The following SLC34A3 variants were observed in gnomAD, a reference collection of about 807,000 sequenced individuals.
SLC34A3 encodes the protein solute carrier family 34 member 3, also known as sodium-dependent phosphate transport protein 2C.
In SLC34A3, 60 loss-of-function variants were observed where a neutral mutation model predicts 43.9. That is an observed-to-expected ratio of 1.37 (90% CI 1.11 to 1.70). The LOEUF is 1.70. Ranked by LOEUF, SLC34A3 falls within the 40% of genes most tolerant of loss-of-function variation. SLC34A3 has a pLI of 0.00. For missense variants in SLC34A3, 969 were observed against 823.8 expected (o/e 1.18, Z -2.16); for synonymous variants, 451 against 386.2 (o/e 1.17, Z -1.97).
chr9:137,235,878 G>A (rs1588852183), intron 12 of SLC34A3, 74 bp from the exon 13 acceptor site: 4 of 1,326,124 alleles, frequency 3.0e-6, no homozygotes, highest in Non-Finnish European at 4.3e-6. Context: ...TAGGGTGGAG[G>A]AGGGCAGGGG....
Position 137,234,186 on chromosome 9 carries a change from C to G in SLC34A3, c.1003C>G (p.Leu335Val). 3 of 1,605,938 alleles carry G rather than the reference C, an allele frequency of 1.9e-6. No individual in the cohort carries two copies. The highest frequency in any genetic ancestry group is 2.5e-6 in the Non-Finnish European group (3 of 1,178,204). ...CILLAGSLLV[L>V]CGCLVLIVKL... The stretch of plus-strand genomic sequence containing the variant: ...CCTGCTGGCCGGCTCCCTGCTGGTG[C>G]TCTGCGGCTGCCTGGTCCTCATAGT... The change falls in exon 10 of 13, where the codon CTC (leucine) becomes GTC (valine). Residue 335 changes from leucine (L) to valine (V), a missense_variant. Transcript: ENST00000673835. This position sits in a 1 kb window ranked among gnomAD's most constrained non-coding sequence, Gnocchi z 6.9.
intron 12 of SLC34A3, among the ~76,000 whole-genome samples, chr9:137,235,403 G>T (rs28368709): frequency 2.6e-5 from 4 of 152,176 alleles, no homozygotes; most frequent in African/African-American, 7.2e-5. Context: ...TGGAACCCAC[G>T]CTCGTTCTTC....
chr9:137,234,543 A>G lies in SLC34A3; in HGVS notation c.1210+11A>G. 6.2e-7 allele frequency: 1 copy of G among 1,608,664 alleles called. No individual in the cohort carries two copies. Among genetic ancestry groups the G allele is most frequent in the Non-Finnish European group, 8.5e-7 (1 of 1,178,092 alleles). ...TCGTGCCCCTCATGGGTGAGCAGGC[A>G]GGACAGAGGCCTCGGGAACGGGGGC... On this transcript the variant is annotated intron_variant, in intron 11 of 12. Coordinates refer to ENST00000673835, the MANE Select transcript of SLC34A3 (RefSeq NM_001177316.2). The surrounding 1 kb of genome is among the most constrained non-coding windows in gnomAD (Gnocchi z 6.9).
chr9:137,233,102 G>C lies in SLC34A3; in HGVS notation c.547G>C (p.Asp183His). ...CTCAATGGCGCAGTCAGGGGACCGG[G>C]ATGAATTTCAGAGGTGAGTTGTGGG... ...LVSMAQSGDR[D>H]EFQRAFSGSA... Residue 183 changes from aspartate to histidine, a missense_variant, in exon 6 of 13, where the codon GAT (aspartate) becomes CAT (histidine). Physicochemically the swap from Asp to His is moderately conservative, Grantham distance 81. Coordinates refer to ENST00000673835, the MANE Select transcript of SLC34A3 (RefSeq NM_001177316.2). 4.0e-6 allele frequency: 6 copies of C among 1,489,954 alleles called. No individual in the cohort carries two copies. The highest frequency in any genetic ancestry group is 5.4e-6 in the Non-Finnish European group (6 of 1,104,512). 92.3% of individuals were successfully genotyped at this position (1,489,954 alleles called of 1,614,324 possible).
rs766680009 is a variant in SLC34A3, at chr9:137,234,456, C to T, written c.1134C>T (p.Ala378=). The change falls in exon 11 of 13, where the codon GCC becomes GCT. Residue 378 remains alanine, a synonymous_variant. Coordinates refer to ENST00000673835, the MANE Select transcript of SLC34A3 (RefSeq NM_001177316.2). This position sits in a 1 kb window ranked among gnomAD's most constrained non-coding sequence, Gnocchi z 6.9. ...FPLGWLGGYL[A]VLAGAGLTFA... ...TGGGCTGGCTCGGCGGCTACCTGGC[C>T]GTCCTCGCGGGCGCCGGCCTGACCT... 17 of 1,599,634 alleles carry T rather than the reference C, an allele frequency of 1.1e-5. No homozygotes were observed. The highest frequency in any genetic ancestry group is 1.4e-5 in the Non-Finnish European group (17 of 1,179,278).
At position 137,233,498 on chromosome 9, in the gene SLC34A3, G is replaced by C. The variant is rs1206924123; in HGVS notation, c.756+94G>C. The stretch of plus-strand genomic sequence containing the variant: ...TGCCCTGATGGAGGGTCAGCGGAGG[G>C]TCTGGGCCCTGTCCTGGGACAGGGG... On this transcript the variant is annotated intron_variant, in intron 7 of 12. Transcript: ENST00000673835. 1.1e-5 allele frequency: 17 copies of C among 1,580,092 alleles called. No homozygotes were observed. In the East Asian group the frequency reaches 3.4e-4, roughly 31 times the overall value.
In SLC34A3 at chr9:137,232,173, G is replaced by T; in HGVS notation, c.175+12G>T. ...CCAGCCCTGGAAAGGTGGGTCTGGA[G>T]GTTCCGGGGGTGGCAGGCTGGCAGG... is the stretch of plus-strand genomic sequence containing the variant. On this transcript the variant is annotated intron_variant, in intron 3 of 12. Transcript: ENST00000673835. The T allele has an allele frequency of 1.9e-6, 3 of 1,611,670 alleles. No homozygotes were observed. Among genetic ancestry groups the T allele is most frequent in the Middle Eastern group, 1.7e-4 (1 of 6,054 alleles).
In SLC34A3 at chr9:137,236,002, C is replaced by T. The variant is rs777986863; in HGVS notation, c.1386C>T (p.Tyr462=). ...FFNLAGILLW[Y]LVPALRLPIP... is the part of the protein sequence containing the mutation. ...ACCTGGCCGGCATCCTGCTGTGGTA[C>T]CTGGTGCCTGCACTGCGGCTGCCCA... Residue 462 remains tyrosine (Y), a synonymous_variant, in exon 13 of 13, where the codon TAC becomes TAT. Coordinates refer to ENST00000673835, the MANE Select transcript of SLC34A3 (RefSeq NM_001177316.2). 3 of 1,612,624 alleles carry T rather than the reference C, an allele frequency of 1.9e-6. No individual in the cohort carries two copies. The highest frequency in any genetic ancestry group is 2.5e-6 in the Non-Finnish European group (3 of 1,179,886).
rs4076685 is a variant in SLC34A3 at position 137,233,413 on chromosome 9, G to C, written c.756+9G>C. 3.1e-6 allele frequency: 5 copies of C among 1,597,492 alleles called. No homozygotes were observed. Among genetic ancestry groups the C allele is most frequent in the South Asian group, 1.1e-5 (1 of 89,776 alleles). On this transcript the variant is annotated intron_variant, in intron 7 of 12. Transcript: ENST00000673835. The stretch of plus-strand genomic sequence containing the variant: ...CACACCTCATCGTGCAGGTGAGGAC[G>C]GCCACCGCCCCCGCCCAGAGAGCCT...
chr9:137,234,316 C>T lies in SLC34A3; in HGVS notation c.1093+40C>T. On this transcript the variant is annotated intron_variant, in intron 10 of 12. Coordinates refer to ENST00000673835, the MANE Select transcript of SLC34A3 (RefSeq NM_001177316.2). This position sits in a 1 kb window ranked among gnomAD's most constrained non-coding sequence, Gnocchi z 6.9. ...GGAGGTGCGGTGGCCAGGGCTGACC[C>T]AGCATCCCCCATAGACTTCCCCTTC... 6.2e-7 allele frequency: 1 copy of T among 1,605,572 alleles called. No homozygotes were observed.
chr9:137,236,511 C>A lies in SLC34A3; in HGVS notation c.*95C>A. On this transcript the variant is annotated 3_prime_UTR_variant, in exon 13 of 13. Transcript: ENST00000673835. ...GTCCCCGCGGCAGCTGACCTCCGGTCACCTGCTTCCCCTTCTGTGCAAATA... is the reference window on the plus strand; with the variant it reads ...GTCCCCGCGGCAGCTGACCTCCGGTAACCTGCTTCCCCTTCTGTGCAAATA... 4.0e-6 allele frequency: 4 copies of A among 1,012,588 alleles called. No homozygotes were observed. Among genetic ancestry groups the A allele is most frequent in the South Asian group, 1.4e-5 (1 of 72,996 alleles). The allele number at this position is 1,012,588 out of a possible 1,614,324, so 62.7% of individuals were successfully genotyped here. A position where few individuals can be genotyped will look rare whatever the true frequency, so the allele number is the denominator to read the frequency against.
At chr9:137,233,779 T>TGCCCCCCCCCCCCCCCC in intron 8 of SLC34A3, 57 bp downstream of exon 8, 5 of 1,445,826 alleles carry the variant, frequency 3.5e-6, no homozygotes, top group South Asian at 2.3e-5. Context: ...TGCTGAGTCA[T>TGCCCCCCCCCCCCCCCC]CCCGCCCCAC....
At chr9:137,231,275 G>A (rs1424867788) in intron 1 of SLC34A3, among the ~76,000 whole-genome samples, 1 of 152,166 alleles carries the variant, frequency 6.6e-6, no homozygotes, top group East Asian at 1.9e-4. Flanking sequence ...AGACGTCACT[G>A]TTTAGTATCA....
In SLC34A3 at chr9:137,232,830, C is replaced by A; in HGVS notation, c.351C>A (p.Asn117Lys). Reference protein sequence around the residue: ...DIFKDNVVLSNPVAGLVIGVL... With the variant: ...DIFKDNVVLSKPVAGLVIGVL... ...TCAAGGACAACGTGGTGCTGTCCAA[C>A]CCTGTGGCTGGACTGGTCATTGGCG... Residue 117 changes from asparagine (N) to lysine (K), a missense_variant, in exon 5 of 13, where the codon AAC (asparagine) becomes AAA (lysine). By Grantham distance (94) the Asn-to-Lys change is moderately conservative (BLOSUM62 0). Transcript: ENST00000673835. 6.2e-7 allele frequency: 1 copy of A among 1,613,194 alleles called. No homozygotes were observed. Among genetic ancestry groups the A allele is most frequent in the Non-Finnish European group, 8.5e-7 (1 of 1,180,000 alleles).
chr9:137,233,659 T>A lies in SLC34A3; in HGVS notation c.783T>A (p.Ser261Arg), dbSNP rs750603770. 1 of 1,612,752 alleles carries A rather than the reference T, an allele frequency of 6.2e-7. No individual in the cohort carries two copies. Among genetic ancestry groups the A allele is most frequent in the East Asian group, 2.2e-5 (1 of 44,868 alleles). The change falls in exon 8 of 13, where the codon AGT (serine) becomes AGA (arginine). Residue 261 changes from serine (S) to arginine (R), a missense_variant. Transcript: ENST00000673835. ...VQLDSDMIMS[S>R]ATGNATNSSL... ...TGGACTCCGACATGATCATGAGCAG[T>A]GCCACAGGCAACGCCACTAACAGCA...
Sources: allele counts gnomAD v4.1 joint callset (sites outside exome capture counted in the v4.1 genomes callset), GRCh38; gene constraint gnomAD v4.1.1; non-coding constraint Gnocchi (gnomAD v3.1); transcripts MANE v1.5; gene names NCBI Gene and HGNC (gene_info 2026-07-23, HGNC 2026-07-21).